The following GXYLT2 variants were observed in gnomAD, a reference collection of about 807,000 sequenced individuals.
GXYLT2 encodes the protein glycosyltransferase 8 domain containing 4.
A neutral mutation model predicts 45.8 loss-of-function variants in GXYLT2; 53 were observed. That is an observed-to-expected ratio of 1.16 (90% CI 0.93 to 1.46). The LOEUF (loss-of-function observed/expected upper bound fraction) is 1.46. Ranked by LOEUF, GXYLT2 falls within the 40% of genes most tolerant of loss-of-function variation. GXYLT2 has a pLI of 0.00. For synonymous variants in GXYLT2, 219 were observed against 214.2 expected, an observed-to-expected ratio of 1.02 and a Z score of -0.19; for missense variants, 551 against 544.4, an observed-to-expected ratio of 1.01 and a Z score of -0.12.
chr3:72,912,769 C>G (rs1709657839), intron 2 of GXYLT2, among the ~76,000 whole-genome samples: 1 of 152,160 alleles, frequency 6.6e-6, no homozygotes, highest in South Asian at 2.1e-4. Context: ...GCTGAGGCCC[C>G]AGACACTGTG....
chr3:72,966,458 C>CTTTTTTTTTTT (rs10662974), intron 5 of GXYLT2, among the ~76,000 whole-genome samples: 6 of 101,638 alleles, frequency 5.9e-5, no homozygotes, highest in South Asian at 3.5e-4. Context: ...TTGTGTGTAT[C>CTTTTTTTTTTT]TTTTTTTTTT....
At chr3:72,941,733 G>A (rs1445445551) in intron 3 of GXYLT2, among the ~76,000 whole-genome samples, 2 of 151,644 alleles carry the variant, frequency 1.3e-5, no homozygotes. Context: ...TAAATATATA[G>A]GTACAGATAA....
intron 3 of GXYLT2, among the ~76,000 whole-genome samples, chr3:72,954,109 T>A (rs373416064): frequency 3.4e-4 from 51 of 152,186 alleles, no homozygotes; most frequent in Middle Eastern, 3.4e-3. Context: ...TATATTTTTT[T>A]AATTTTTTAT....
intron 1 of GXYLT2, among the ~76,000 whole-genome samples, chr3:72,893,538 C>T (rs1370343688): frequency 6.6e-6 from 1 of 152,148 alleles, no homozygotes; most frequent in Non-Finnish European, 1.5e-5. Flanking sequence ...GCTCCTGCCC[C>T]CTCATGTACA....
At chr3:72,966,384 G>A (rs1465541267) in intron 5 of GXYLT2, among the ~76,000 whole-genome samples, 1 of 139,980 alleles carries the variant, frequency 7.1e-6, no homozygotes, top group African/African-American at 2.7e-5. Flanking sequence ...TTTTAGTTCT[G>A]TCCATTTTAT....
intron 1 of GXYLT2, among the ~76,000 whole-genome samples, chr3:72,903,942 C>G (rs1270582364): frequency 6.6e-6 from 1 of 152,154 alleles, no homozygotes; most frequent in Non-Finnish European, 1.5e-5. Context: ...GTCAGATGCA[C>G]CTAGATCCAG....
chr3:72,915,790 G>A (rs182071293), intron 2 of GXYLT2, among the ~76,000 whole-genome samples: 163 of 151,526 alleles, frequency 1.1e-3, no homozygotes, highest in Non-Finnish European at 1.1e-3. Context: ...CCAAGATCGC[G>A]CCACTGCACT....
chr3:72,957,210 A>G lies in GXYLT2; in HGVS notation c.853-19A>G, dbSNP rs764548053. The stretch of plus-strand genomic sequence containing the variant: ...TATTTGCTTTGCTTCAGCTGTTCTG[A>G]TGGTTTTCTTTTTTCCAGAACAGCA... On this transcript the variant is annotated intron_variant, in intron 4 of 6. Transcript: ENST00000389617. 6.3e-6 allele frequency: 10 copies of G among 1,599,780 alleles called. No homozygotes were observed. In the African/African-American group the frequency reaches 1.4e-4, roughly 22 times the overall value.
At chr3:72,946,276 G>GAAA (rs57450041) in intron 3 of GXYLT2, among the ~76,000 whole-genome samples, 1 of 59,446 alleles carries the variant, frequency 1.7e-5, no homozygotes, top group South Asian at 9.2e-4. Flanking sequence ...GACCCTGTCT[G>GAAA]AAAAAAAAAA....
chr3:72,951,940 C>T (rs1027177571), intron 3 of GXYLT2, among the ~76,000 whole-genome samples: 13 of 151,202 alleles, frequency 8.6e-5, no homozygotes, highest in Non-Finnish European at 1.6e-4. Context: ...CTCCCGGGTT[C>T]AAGGGATTCT....
chr3:72,965,789 G>A (rs1233090071), intron 5 of GXYLT2, among the ~76,000 whole-genome samples: 1 of 152,156 alleles, frequency 6.6e-6, no homozygotes, highest in East Asian at 1.9e-4. Flanking sequence ...ATGGCCCTGG[G>A]GTAGAGGAGT....
At chr3:72,951,404 T>C (rs1710522562) in intron 3 of GXYLT2, among the ~76,000 whole-genome samples, 2 of 152,108 alleles carry the variant, frequency 1.3e-5, no homozygotes, top group Non-Finnish European at 2.9e-5. Context: ...ACTTGACATT[T>C]TAAAAGCGAA....
chr3:72,972,696 A>T (rs115992606), intron 6 of GXYLT2, among the ~76,000 whole-genome samples: 3,121 of 148,712 alleles, frequency 0.021, 102 homozygotes, highest in African/African-American at 0.074. Flanking sequence ...GCCAGACAAT[A>T]CTGATTGAGA....
At chr3:72,953,162 A>C (rs909665360) in intron 3 of GXYLT2, among the ~76,000 whole-genome samples, 2 of 152,180 alleles carry the variant, frequency 1.3e-5, no homozygotes, top group Non-Finnish European at 2.9e-5. Context: ...AGTGGCTTTT[A>C]CATTTCATAT....
At chr3:72,939,579 T>C (rs181356956) in intron 3 of GXYLT2, among the ~76,000 whole-genome samples, 2 of 152,328 alleles carry the variant, frequency 1.3e-5, no homozygotes, top group African/African-American at 4.8e-5. Flanking sequence ...TCAAACAGAA[T>C]GTTCTTTGTT....
At chr3:72,941,618 C>G (rs142691718) in intron 3 of GXYLT2, among the ~76,000 whole-genome samples, 1 of 152,120 alleles carries the variant, frequency 6.6e-6, no homozygotes, top group Non-Finnish European at 1.5e-5. Flanking sequence ...TCAGAATTCT[C>G]TTTGCCTTTA....
intron 2 of GXYLT2, among the ~76,000 whole-genome samples, chr3:72,913,434 C>T (rs1709674343): frequency 6.6e-6 from 1 of 151,786 alleles, no homozygotes; most frequent in Non-Finnish European, 1.5e-5. Flanking sequence ...ATGGCTCACG[C>T]CTGTAATCCC....
intron 5 of GXYLT2, among the ~76,000 whole-genome samples, chr3:72,961,393 T>C (rs4635643): frequency 0.83 from 125,586 of 152,050 alleles, 52,544 homozygotes; most frequent in African/African-American, 0.95. Context: ...AGTCTCATGA[T>C]CACACGAGTC....
At chr3:72,931,314 G>A (rs375284122) in intron 3 of GXYLT2, among the ~76,000 whole-genome samples, 3 of 151,258 alleles carry the variant, frequency 2.0e-5, no homozygotes, top group East Asian at 3.9e-4. Flanking sequence ...TGCAAGCTCC[G>A]CCTCCCAGGT....
Sources: allele counts gnomAD v4.1 joint callset (sites outside exome capture counted in the v4.1 genomes callset), GRCh38; gene constraint gnomAD v4.1.1; transcripts MANE v1.5; gene names NCBI Gene and HGNC (gene_info 2026-07-23, HGNC 2026-07-21).